TMEM108: variants seen among roughly 807,000 people sequenced by gnomAD.
TMEM108 encodes transmembrane protein 108.
In TMEM108, 12 loss-of-function variants were observed where a neutral mutation model predicts 35.1. The observed-to-expected ratio is 0.34, with a 90% CI of 0.22 to 0.55. The LOEUF is 0.55. Ranked by LOEUF, TMEM108 falls within the 20% of genes least tolerant of loss-of-function variation. TMEM108 has a pLI of 0.89. For missense variants in TMEM108, 680 were observed against 753.3 expected, an observed-to-expected ratio of 0.90 and a Z score of 1.14; for synonymous variants, 287 against 308.6, an observed-to-expected ratio of 0.93 and a Z score of 0.73.
chr3:133,129,480 T>C (rs1419620964), intron 2 of TMEM108, among the ~76,000 whole-genome samples: 1 of 151,370 alleles, frequency 6.6e-6, no homozygotes, highest in African/African-American at 2.4e-5. Flanking sequence ...ATTAAAACAA[T>C]AACTACCATA....
intron 3 of TMEM108, chr3:133,256,988 A>G (rs990052748): frequency 2.0e-5 from 3 of 152,252 alleles, no homozygotes; most frequent in Admixed American, 6.5e-5. Context: ...AGGGATGACA[A>G]TCATGAAACT....
chr3:133,146,225 G>A (rs1439043037), intron 2 of TMEM108, among the ~76,000 whole-genome samples: 3 of 151,766 alleles, frequency 2.0e-5, no homozygotes, highest in Non-Finnish European at 3.0e-5. Context: ...TGAGATAATC[G>A]TGGTTTTTGT....
At chr3:133,202,317 T>C (rs1258646391) in intron 2 of TMEM108, among the ~76,000 whole-genome samples, 1 of 152,212 alleles carries the variant, frequency 6.6e-6, no homozygotes, top group East Asian at 1.9e-4. Context: ...ATTTGTCAAT[T>C]TTGGCTTATG....
chr3:133,046,610 C>A (rs565910054), intron 2 of TMEM108, among the ~76,000 whole-genome samples: 4 of 152,222 alleles, frequency 2.6e-5, no homozygotes, highest in Admixed American at 6.5e-5. Flanking sequence ...TATTTGCAGC[C>A]CCTAGTACAA....
intron 2 of TMEM108, among the ~76,000 whole-genome samples, chr3:133,051,603 A>C (rs932378703): frequency 2.0e-5 from 3 of 152,072 alleles, no homozygotes; most frequent in Non-Finnish European, 4.4e-5. Context: ...AAGATCATTT[A>C]GGTTTTTTCC....
intron 2 of TMEM108, among the ~76,000 whole-genome samples, chr3:133,227,558 C>A (rs903075719): frequency 1.2e-4 from 18 of 150,956 alleles, no homozygotes; most frequent in Admixed American, 7.9e-4. Flanking sequence ...TTAAAAAAAA[C>A]ACTTGAAAAC....
chr3:133,084,100 T>C (rs1272585302), intron 2 of TMEM108, among the ~76,000 whole-genome samples: 1 of 146,180 alleles, frequency 6.8e-6, no homozygotes, highest in East Asian at 2.0e-4. Flanking sequence ...GATTTTATTT[T>C]CAACCATTCT....
chr3:133,059,530 C>T (rs1330380237), intron 2 of TMEM108, among the ~76,000 whole-genome samples: 1 of 152,138 alleles, frequency 6.6e-6, no homozygotes, highest in Non-Finnish European at 1.5e-5. Context: ...GCTCCACTTT[C>T]GAATGAAAGG....
chr3:133,114,688 C>A (rs1417523422), intron 2 of TMEM108, among the ~76,000 whole-genome samples: 1 of 152,124 alleles, frequency 6.6e-6, no homozygotes, highest in East Asian at 1.9e-4. Context: ...CGGTTACCAC[C>A]AGTTGGCTTT....
intron 2 of TMEM108, among the ~76,000 whole-genome samples, chr3:133,104,129 G>T (rs913186073): frequency 6.6e-5 from 10 of 150,430 alleles, no homozygotes; most frequent in Non-Finnish European, 1.5e-4. Context: ...TTTAACAACT[G>T]TAACATGTCT....
intron 2 of TMEM108, among the ~76,000 whole-genome samples, chr3:133,095,430 G>A (rs1944000485): frequency 6.6e-6 from 1 of 152,150 alleles, no homozygotes; most frequent in Non-Finnish European, 1.5e-5. Context: ...TGGACTTGAG[G>A]GGTGGATGGT....
intron 3 of TMEM108, among the ~76,000 whole-genome samples, chr3:133,363,640 A>G (rs906702852): frequency 3.3e-5 from 5 of 151,858 alleles, no homozygotes; most frequent in African/African-American, 1.2e-4. Context: ...TTGTGGGCTC[A>G]AGCAATCTGC....
intron 2 of TMEM108, among the ~76,000 whole-genome samples, chr3:133,159,799 A>G (rs1459197396): frequency 6.6e-6 from 1 of 152,024 alleles, no homozygotes; most frequent in Non-Finnish European, 1.5e-5. Flanking sequence ...CTCTTCTTTA[A>G]CTGCTACTCT....
intron 2 of TMEM108, among the ~76,000 whole-genome samples, chr3:133,186,235 C>T (rs1945419321): frequency 6.6e-6 from 1 of 152,172 alleles, no homozygotes; most frequent in South Asian, 2.1e-4. Context: ...TTAAAGGTGG[C>T]TTCACAGTAT....
chr3:133,176,502 G>T (rs1428117611), intron 2 of TMEM108, among the ~76,000 whole-genome samples: 1 of 152,136 alleles, frequency 6.6e-6, no homozygotes, highest in East Asian at 1.9e-4. Flanking sequence ...TAGAACTCAG[G>T]ATTCAGAAAC....
At chr3:133,371,268 A>G (rs2072660327) in intron 3 of TMEM108, among the ~76,000 whole-genome samples, 1 of 152,170 alleles carries the variant, frequency 6.6e-6, no homozygotes, top group African/African-American at 2.4e-5. Flanking sequence ...TTTGCTCATA[A>G]GTCTGTAGCT....
intron 3 of TMEM108, among the ~76,000 whole-genome samples, chr3:133,308,846 G>C (rs1169836002): frequency 1.3e-5 from 2 of 151,834 alleles, no homozygotes; most frequent in South Asian, 4.1e-4. Flanking sequence ...TCTTTGCCAG[G>C]CTTTGGTATC....
At chr3:133,114,850 T>C (rs1312239503) in intron 2 of TMEM108, among the ~76,000 whole-genome samples, 1 of 152,182 alleles carries the variant, frequency 6.6e-6, no homozygotes, top group African/African-American at 2.4e-5. Context: ...TCAGATGTAT[T>C]ACTCGAGATG....
At chr3:133,239,570 C>A (rs2073355526) in intron 3 of TMEM108, among the ~76,000 whole-genome samples, 1 of 152,174 alleles carries the variant, frequency 6.6e-6, no homozygotes, top group Non-Finnish European at 1.5e-5. Flanking sequence ...GGTTCTTAAA[C>A]TTTAGTGCAC....
Sources: gnomAD v4.1 joint callset for allele counts (sites outside exome capture counted in the v4.1 genomes callset) on GRCh38, gnomAD v4.1.1 for gene constraint, MANE v1.5 for transcripts, NCBI Gene and HGNC (gene_info 2026-07-23, HGNC 2026-07-21) for gene names.